Variants in ING4 observed in about 807,000 individuals in gnomAD.
ING4 encodes the protein inhibitor of growth protein 4.
A neutral mutation model predicts 33.1 loss-of-function variants in ING4; 28 were observed. That is an observed-to-expected ratio of 0.85 (90% confidence interval 0.63 to 1.16). ING4 has a LOEUF of 1.16. Ranked by LOEUF, ING4 falls within the 50% of genes most tolerant of loss-of-function variation. The pLI is 0.00. For missense variants in ING4, 247 were observed against 314.7 expected (o/e 0.78, Z 1.63); for synonymous variants, 87 against 104.4 (o/e 0.83, Z 1.02).
At chr12:6,660,336 C>T (rs897859704) in intron 1 of ING4, among the ~76,000 whole-genome samples, 8 of 152,028 alleles carry the variant, frequency 5.3e-5, no homozygotes, top group Non-Finnish European at 1.0e-4. Context: ...AGGCCTGGTA[C>T]GGTGGCTCAT....
At position 6,651,495 on chromosome 12, in the gene ING4, G is replaced by A. The variant is rs1415108187; in HGVS notation, c.646-110C>T. ...CTGTCCTTTACTCCATCCTTTTGGA[G>A]AATTCTTGGAAGTCCCAAGGCCAAC... On this transcript the variant is annotated intron_variant, in intron 6 of 7. Transcript: ENST00000341550. 3.3e-6 allele frequency: 3 copies of A among 903,160 alleles called. No homozygotes were observed. The African/African-American group carries it at 5.1e-5, about 15-fold the overall frequency. The allele number at this position is 903,160 out of a possible 1,614,324, so 55.9% of individuals were successfully genotyped here.
In ING4 at chr12:6,651,175, T is replaced by C. The variant is rs770337349; in HGVS notation, c.*20A>G. The C allele has an allele frequency of 5.6e-6, 9 of 1,613,812 alleles. No individual in the cohort carries two copies. The highest frequency in any genetic ancestry group is 7.6e-6 in the Non-Finnish European group (9 of 1,179,806). ...GTCAGGGGATGTGGAAGAAACTGTG[T>C]TGGAATCCAAGGCCCTTATCTATTT... On this transcript the variant is annotated 3_prime_UTR_variant, in exon 8 of 8. Transcript: ENST00000341550.
Position 6,650,880 on chromosome 12 carries a change from G to A in ING4, c.*315C>T. On this transcript the variant is annotated 3_prime_UTR_variant, in exon 8 of 8. Transcript: ENST00000341550. ...CCCCAGTCCTTAAATACAAAGCAAG[G>A]AGAATGAAAAGGACCCTCCCTCTGA... 1 of 437,846 alleles carries A rather than the reference G, an allele frequency of 2.3e-6. No homozygotes were observed. Among genetic ancestry groups the A allele is most frequent in the South Asian group, 2.7e-5 (1 of 37,050 alleles). 27.1% of individuals were successfully genotyped at this position (437,846 alleles called of 1,614,324 possible). A position where few individuals can be genotyped will look rare whatever the true frequency, so the allele number is the denominator to read the frequency against.
chr12:6,651,096 C>T lies in ING4; in HGVS notation c.*99G>A. On this transcript the variant is annotated 3_prime_UTR_variant, in exon 8 of 8. Transcript: ENST00000341550. Reference sequence around the variant, plus strand: ...AGGGATGACAGCACTGTGCCATCCACTCCTCCCTGAACCCCTGGCCCCAGC... The same window carrying T: ...AGGGATGACAGCACTGTGCCATCCATTCCTCCCTGAACCCCTGGCCCCAGC... 2 of 1,342,570 alleles carry T rather than the reference C, an allele frequency of 1.5e-6. No individual in the cohort carries two copies. Among genetic ancestry groups the T allele is most frequent in the Admixed American group, 1.8e-5 (1 of 56,652 alleles). The allele number at this position is 1,342,570 out of a possible 1,614,324, so 83.2% of individuals were successfully genotyped here.
chr12:6,661,032 G>A lies in ING4; in HGVS notation c.37+2033C>T, dbSNP rs141593131. 7.9e-3 allele frequency among the ~76,000 whole-genome samples: 1,193 copies of A among 151,094 alleles called. 14 individuals carry two copies. Among genetic ancestry groups the A allele is most frequent in the African/African-American group, 0.027 (1,095 of 41,090 alleles). ...GGTCTTGGAACTCCTGACCTAAGGC[G>A]ATCCACCCATCTCAGCCTCCCAATG... On this transcript the variant is annotated intron_variant, in intron 1 of 7. Coordinates refer to ENST00000341550, the MANE Select transcript of ING4 (RefSeq NM_016162.4).
chr12:6,651,131 C>T lies in ING4; in HGVS notation c.*64G>A. 1 of 1,575,694 alleles carries T rather than the reference C, an allele frequency of 6.3e-7. No individual in the cohort carries two copies. ...AACCCCTGGCCCCAGCACAGGCATTCCTCTGCCCACTAGCCCAAGTCAGGG... is the reference window on the plus strand; with the variant it reads ...AACCCCTGGCCCCAGCACAGGCATTTCTCTGCCCACTAGCCCAAGTCAGGG... On this transcript the variant is annotated 3_prime_UTR_variant, in exon 8 of 8. Transcript: ENST00000341550.
chr12:6,659,379 A>G (rs1363822508), intron 1 of ING4, among the ~76,000 whole-genome samples: 1 of 151,776 alleles, frequency 6.6e-6, no homozygotes, highest in Non-Finnish European at 1.5e-5. Flanking sequence ...AACATGGTGA[A>G]ACCTGTAATC....
intron 4 of ING4, 77 bp from the exon 5 acceptor site, chr12:6,652,844 A>T: frequency 3.2e-6 from 5 of 1,566,254 alleles, no homozygotes; most frequent in Non-Finnish European, 4.4e-6. Context: ...CCCCCTTTCC[A>T]ACCTGGTGCC....
At chr12:6,659,682 G>A (rs1949483878) in intron 1 of ING4, among the ~76,000 whole-genome samples, 1 of 151,420 alleles carries the variant, frequency 6.6e-6, no homozygotes, top group South Asian at 2.1e-4. Context: ...CCGTGGTGGC[G>A]GGCGCCTGTA....
chr12:6,653,617 A>G (rs2136267262), intron 2 of ING4, among the ~76,000 whole-genome samples: 1 of 152,338 alleles, frequency 6.6e-6, no homozygotes, highest in East Asian at 1.9e-4. Context: ...TTGCTATCAT[A>G]GTTGGAATTT....
chr12:6,652,006 T>C (rs886513474), intron 6 of ING4, among the ~76,000 whole-genome samples: 1 of 151,598 alleles, frequency 6.6e-6, no homozygotes. Context: ...ATGACAGTCG[T>C]GTGCCACTAT....
chr12:6,656,867 GT>G, intron 1 of ING4, 69 bp from the exon 2 acceptor site: 1 of 975,152 alleles, frequency 1.0e-6, no homozygotes. Flanking sequence ...TTAAAGTGCA[GT>G]TCAGGCCGGA....
intron 1 of ING4, among the ~76,000 whole-genome samples, chr12:6,660,984 G>C (rs1191312929): frequency 6.6e-6 from 1 of 152,108 alleles, no homozygotes; most frequent in Non-Finnish European, 1.5e-5. Flanking sequence ...GTAGAGACGG[G>C]GTTTCACTAT....
chr12:6,656,858 T>C lies in ING4; in HGVS notation c.38-60A>G, dbSNP rs1949368742. On this transcript the variant is annotated intron_variant, in intron 1 of 7. Transcript: ENST00000341550. ...TATGCATAGGCCTTACAGCTCCTTT[T>C]AAAGTGCAGTTCAGGCCGGACATGG... 10 of 1,077,080 alleles carry C rather than the reference T, an allele frequency of 9.3e-6. No individual in the cohort carries two copies. In the South Asian group the frequency reaches 1.2e-4, roughly 13 times the overall value. 66.7% of individuals were successfully genotyped at this position (1,077,080 alleles called of 1,614,324 possible).
chr12:6,656,863 T>G, intron 1 of ING4, 65 bp from the exon 2 acceptor site: 2 of 1,035,800 alleles, frequency 1.9e-6, no homozygotes, highest in Non-Finnish European at 2.8e-6. Flanking sequence ...CCTTTTAAAG[T>G]GCAGTTCAGG....
In ING4 at chr12:6,652,390, T is replaced by C; in HGVS notation, c.526A>G (p.Thr176Ala). The change falls in exon 6 of 8, where the codon ACC becomes GCC. Residue 176 changes from threonine (T) to alanine (A), a missense_variant. By Grantham distance (58) the Thr-to-Ala change is moderately conservative. This residue lies in a region of ING4 where 198 missense variants were observed against 221.2 expected (regional missense o/e 0.89). Transcript: ENST00000341550. ...TSPEYGMPSV[T>A]FGSVHPSDVL... ...TCAGAGGGGTGGACACTGCCAAAGG[T>C]CACTGAGGGCATCCCATACTCAGGA... 6.2e-7 allele frequency: 1 copy of C among 1,613,982 alleles called. No homozygotes were observed. The highest frequency in any genetic ancestry group is 1.1e-5 in the South Asian group (1 of 91,072).
rs1486934909 is a variant in ING4, at chr12:6,652,767, C to A, written c.392G>T (p.Ser131Ile). The stretch of plus-strand genomic sequence containing the variant: ...AGCTTTCTTCTCCTTTTGAGTCCGG[C>A]CTTCTAGGGAAGAGGGAGAAAGCCA... ...YDSSSSKGKKSRTQKEKKAAR... is the reference protein window; with the variant it reads ...YDSSSSKGKKIRTQKEKKAAR... The change falls in exon 5 of 8, where the codon AGC becomes ATC. Residue 131 changes from serine to isoleucine, a missense_variant and splice_region_variant. Around this residue, in one of 3 missense-constraint regions of ING4, gnomAD observed 198 missense variants for 221.2 expected, o/e 0.89. Transcript: ENST00000341550. 3 of 1,613,924 alleles carry A rather than the reference C, an allele frequency of 1.9e-6. No individual in the cohort carries two copies. The highest frequency in any genetic ancestry group is 1.1e-5 in the South Asian group (1 of 91,076).
chr12:6,658,956 C>T (rs889526866), intron 1 of ING4, among the ~76,000 whole-genome samples: 1 of 152,156 alleles, frequency 6.6e-6, no homozygotes, highest in Non-Finnish European at 1.5e-5. Flanking sequence ...TGGAATGCAC[C>T]GCTCGCTTTT....
intron 7 of ING4, 30 bp downstream of exon 7, chr12:6,651,294 C>A (rs1949170161): frequency 1.2e-6 from 2 of 1,613,962 alleles, no homozygotes; most frequent in Admixed American, 1.7e-5. Context: ...GACCACTCAA[C>A]TTAGGGACCC....
Sources: gnomAD v4.1 joint callset for allele counts (sites outside exome capture counted in the v4.1 genomes callset) on GRCh38, gnomAD v4.1.1 for gene constraint, gnomAD v4.1.1 regional missense constraint, MANE v1.5 for transcripts, NCBI Gene and HGNC (gene_info 2026-07-23, HGNC 2026-07-21) for gene names.